Variants in MORC1 observed in about 807,000 individuals in gnomAD.
The protein encoded by MORC1 is MORC family CW-type zinc finger 1, also known as MORC family CW-type zinc finger protein 1.
In MORC1, 59 loss-of-function variants were observed where a neutral mutation model predicts 134.9. The ratio of observed to expected loss-of-function variants is 0.44; its 90% CI spans 0.35 to 0.54. MORC1 has a LOEUF of 0.54. Among genes scored for constraint, MORC1 ranks in the 20% least tolerant of loss-of-function variants. The pLI is 0.00. For synonymous variants in MORC1, 395 were observed against 391.7 expected (o/e 1.01, Z -0.10); for missense variants, 947 against 1,134.5 (o/e 0.83, Z 2.37).
intron 4 of MORC1, among the ~76,000 whole-genome samples, chr3:109,102,735 A>G (rs1359380016): frequency 6.6e-6 from 1 of 152,214 alleles, no homozygotes; most frequent in Admixed American, 6.5e-5. Context: ...CCCTTAGAAT[A>G]TATCACATAT....
At chr3:109,082,776 G>C (rs1469458046) in intron 8 of MORC1, among the ~76,000 whole-genome samples, 1 of 152,036 alleles carries the variant, frequency 6.6e-6, no homozygotes. Context: ...ATGCCTACAA[G>C]ATACAGAAAA....
intron 26 of MORC1, among the ~76,000 whole-genome samples, chr3:108,967,251 GT>G (rs1947246203): frequency 6.6e-6 from 1 of 152,134 alleles, no homozygotes; most frequent in African/African-American, 2.4e-5. Flanking sequence ...ATTACTAATG[GT>G]GTAGACATTG....
At chr3:109,026,346 T>C (rs1434374443) in intron 17 of MORC1, among the ~76,000 whole-genome samples, 1 of 152,120 alleles carries the variant, frequency 6.6e-6, no homozygotes, top group Non-Finnish European at 1.5e-5. Context: ...AACCTTGGCT[T>C]AAATCTTATG....
rs202006312 is a variant in MORC1 at position 108,971,312 on chromosome 3, CA to C, written c.2550+17del. The C allele has an allele frequency of 2.5e-5, 40 of 1,605,276 alleles. No homozygotes were observed. The highest frequency in any genetic ancestry group is 4.5e-5 in the East Asian group (2 of 44,754). ...CTATTCTATCATTCCCTCACAGTTCCAAAAAAAACCAGCTTACCTCACAACT... is the reference window on the plus strand; with the variant it reads ...CTATTCTATCATTCCCTCACAGTTCCAAAAAAACCAGCTTACCTCACAACT... On this transcript the variant is annotated intron_variant, in intron 25 of 27. Transcript: ENST00000232603.
intron 26 of MORC1, among the ~76,000 whole-genome samples, chr3:108,965,243 C>T (rs971543976): frequency 6.6e-6 from 1 of 151,954 alleles, no homozygotes. Context: ...ATAAAATAAA[C>T]CAAAACAAAT....
chr3:109,030,473 A>G (rs1287462756), intron 16 of MORC1, among the ~76,000 whole-genome samples: 1 of 152,184 alleles, frequency 6.6e-6, no homozygotes, highest in South Asian at 2.1e-4. Flanking sequence ...AATCTCAATT[A>G]ACTGCCCTTT....
At chr3:109,100,733 A>G (rs1446144139) in intron 4 of MORC1, among the ~76,000 whole-genome samples, 1 of 152,202 alleles carries the variant, frequency 6.6e-6, no homozygotes, top group Non-Finnish European at 1.5e-5. Flanking sequence ...AGACTCAACT[A>G]ATCTTGGACT....
chr3:109,079,544 A>G (rs1034019221), intron 8 of MORC1, among the ~76,000 whole-genome samples: 1 of 152,124 alleles, frequency 6.6e-6, no homozygotes, highest in Non-Finnish European at 1.5e-5. Flanking sequence ...AAGAATAGTA[A>G]CTAGAATAAA....
At chr3:109,054,672 A>G in intron 14 of MORC1, 56 bp downstream of exon 14, 1 of 1,360,346 alleles carries the variant, frequency 7.4e-7, no homozygotes, top group African/African-American at 1.5e-5. Flanking sequence ...GCTTAAAGAA[A>G]TCACAGAAAG....
At chr3:109,030,152 A>G (rs550754152) in intron 16 of MORC1, among the ~76,000 whole-genome samples, 1 of 152,264 alleles carries the variant, frequency 6.6e-6, no homozygotes, top group East Asian at 1.9e-4. Flanking sequence ...ATTTTCTGTA[A>G]ATATAGACAA....
intron 23 of MORC1, among the ~76,000 whole-genome samples, chr3:108,983,681 A>G (rs1459439220): frequency 6.6e-6 from 1 of 152,206 alleles, no homozygotes; most frequent in African/African-American, 2.4e-5. Flanking sequence ...ACTACGGAAC[A>G]AATTACAATA....
At chr3:109,100,555 C>G (rs1470077607) in intron 4 of MORC1, 48 bp from the exon 5 acceptor site, 9 of 1,418,772 alleles carry the variant, frequency 6.3e-6, no homozygotes, top group Non-Finnish European at 9.0e-6. Flanking sequence ...CTCTTTGACA[C>G]TGGCCTGAGG....
At chr3:109,037,370 C>A (rs1196620240) in intron 14 of MORC1, among the ~76,000 whole-genome samples, 1 of 152,212 alleles carries the variant, frequency 6.6e-6, no homozygotes, top group Admixed American at 6.5e-5. Context: ...TGTACACCAG[C>A]TCCTGATGTA....
rs1948464580 is a variant in MORC1, at chr3:109,003,653, C to T, written c.2085+1164G>A. Among the ~76,000 whole-genome samples the T allele has an allele frequency of 2.0e-5, 3 of 152,118 alleles. No homozygotes were observed. In the South Asian group the frequency reaches 6.2e-4, roughly 32 times the overall value. On this transcript the variant is annotated intron_variant, in intron 20 of 27. Transcript: ENST00000232603. ...AAGTGATAACATGCAGGAGTTCGAA[C>T]ACAGCAAGGGTTGAATATCTGAATA...
intron 21 of MORC1, among the ~76,000 whole-genome samples, chr3:108,992,613 C>G (rs1261357407): frequency 6.6e-6 from 1 of 152,132 alleles, no homozygotes; most frequent in African/African-American, 2.4e-5. Context: ...CTTTGATAAA[C>G]TTACAGATTT....
chr3:108,974,318 A>C (rs953613798), intron 24 of MORC1, among the ~76,000 whole-genome samples: 1 of 152,238 alleles, frequency 6.6e-6, no homozygotes, highest in East Asian at 1.9e-4. Context: ...TAGGATACCA[A>C]AAATCACATA....
chr3:108,959,024 T>A lies in MORC1; in HGVS notation c.2896A>T (p.Thr966Ser). Residue 966 changes from threonine (T) to serine (S), a missense_variant, in exon 28 of 28, where the codon ACT becomes TCT. Thr to Ser is a moderately conservative substitution (Grantham distance 58). Transcript: ENST00000232603. ...LLFQNNLNKVTIDARHRLPLE... is the reference protein window; with the variant it reads ...LLFQNNLNKVSIDARHRLPLE... The stretch of plus-strand genomic sequence containing the variant: ...GGGAGTCTATGTCTTGCATCTATAG[T>A]TACTTTATTTAAATTGTTCTGGAAG... 1.3e-6 allele frequency: 2 copies of A among 1,554,236 alleles called. No individual in the cohort carries two copies. Among genetic ancestry groups the A allele is most frequent in the Non-Finnish European group, 8.7e-7 (1 of 1,150,652 alleles).
At chr3:108,996,286 G>GCGCGCGCGCGCACA in intron 21 of MORC1, among the ~76,000 whole-genome samples, 1 of 146,382 alleles carries the variant, frequency 6.8e-6, no homozygotes, top group Non-Finnish European at 1.5e-5. Flanking sequence ...GCGCGCGCGC[G>GCGCGCGCGCGCACA]CACACACACA....
chr3:109,002,213 T>C (rs912457257), intron 20 of MORC1, among the ~76,000 whole-genome samples: 2 of 152,222 alleles, frequency 1.3e-5, no homozygotes, highest in African/African-American at 4.8e-5. Flanking sequence ...AGGAGTCTCA[T>C]AACTTCTGCC....
Sources: gnomAD v4.1 joint callset for allele counts (sites outside exome capture counted in the v4.1 genomes callset) on GRCh38, gnomAD v4.1.1 for gene constraint, MANE v1.5 for transcripts, NCBI Gene and HGNC (gene_info 2026-07-23, HGNC 2026-07-21) for gene names.